Variants in MACROD2 observed in about 807,000 individuals in gnomAD.
MACROD2 encodes the protein mono-ADP ribosylhydrolase 2.
A neutral mutation model predicts 70.4 loss-of-function variants in MACROD2; 36 were observed. The ratio of observed to expected loss-of-function variants is 0.51; its 90% CI spans 0.39 to 0.68. The LOEUF (loss-of-function observed/expected upper bound fraction) is 0.68, where lower values mean the gene tolerates loss of function less well. Among genes scored for constraint, MACROD2 ranks in the 30% least tolerant of loss-of-function variants. The pLI, the probability that MACROD2 is intolerant of heterozygous loss-of-function variation, is 0.00. For missense variants in MACROD2, 496 were observed against 538.4 expected, an observed-to-expected ratio of 0.92 and a Z score of 0.78; for synonymous variants, 172 against 178.8, an observed-to-expected ratio of 0.96 and a Z score of 0.30.
At chr20:14,272,400 C>T (rs2082204360) in intron 3 of MACROD2, among the ~76,000 whole-genome samples, 1 of 151,808 alleles carries the variant, frequency 6.6e-6, no homozygotes, top group South Asian at 2.1e-4. Flanking sequence ...AACTAAGCTT[C>T]ATAAGTGAAG....
chr20:14,504,906 A>G (rs2084952518), intron 4 of MACROD2, among the ~76,000 whole-genome samples: 1 of 152,132 alleles, frequency 6.6e-6, no homozygotes, highest in African/African-American at 2.4e-5. Context: ...TTTATTTGTC[A>G]TAGTTTTATA....
intron 8 of MACROD2, among the ~76,000 whole-genome samples, chr20:15,545,022 T>G (rs1247696756): frequency 2.6e-5 from 4 of 152,230 alleles, no homozygotes; most frequent in African/African-American, 9.6e-5. Context: ...TGTTTTCATT[T>G]AGAAGCTAAT....
intron 2 of MACROD2, among the ~76,000 whole-genome samples, chr20:14,021,603 G>A (rs1178682951): frequency 1.3e-5 from 2 of 151,964 alleles, no homozygotes; most frequent in African/African-American, 4.8e-5. Flanking sequence ...TTTCTCTGTG[G>A]GGAACAAAAC....
intron 6 of MACROD2, among the ~76,000 whole-genome samples, chr20:15,243,091 C>G (rs1267660832): frequency 3.9e-5 from 6 of 152,092 alleles, no homozygotes; most frequent in Non-Finnish European, 8.8e-5. Context: ...GCAGGCTGCA[C>G]CCAGGAACGA....
At chr20:15,640,829 G>T (rs756896007) in intron 8 of MACROD2, among the ~76,000 whole-genome samples, 2 of 152,114 alleles carry the variant, frequency 1.3e-5, no homozygotes, top group African/African-American at 4.8e-5. Flanking sequence ...AAACAGACCC[G>T]GGTGGGCTAT....
chr20:14,391,517 G>T (rs1309492997), intron 3 of MACROD2, among the ~76,000 whole-genome samples: 1 of 151,830 alleles, frequency 6.6e-6, no homozygotes, highest in African/African-American at 2.4e-5. Flanking sequence ...TAACTAATGG[G>T]CACTAGGCTT....
intron 7 of MACROD2, among the ~76,000 whole-genome samples, chr20:15,493,691 TAGAG>T (rs1275003491): frequency 1.3e-5 from 2 of 152,234 alleles, no homozygotes; most frequent in Admixed American, 6.5e-5. Flanking sequence ...AAAAAGTAAA[TAGAG>T]AGGAAAATTG....
chr20:15,419,453 G>T (rs913176513), intron 6 of MACROD2, among the ~76,000 whole-genome samples: 2 of 152,178 alleles, frequency 1.3e-5, no homozygotes, highest in Non-Finnish European at 2.9e-5. Context: ...GTCCCTTAGA[G>T]CTATGCTGAG....
intron 5 of MACROD2, among the ~76,000 whole-genome samples, chr20:15,166,991 A>G (rs1468885261): frequency 6.6e-6 from 1 of 151,192 alleles, no homozygotes; most frequent in East Asian, 1.9e-4. Flanking sequence ...TAATTTAAGT[A>G]TGAAATTATT....
At chr20:14,011,070 T>C (rs1398202671) in intron 2 of MACROD2, among the ~76,000 whole-genome samples, 1 of 152,210 alleles carries the variant, frequency 6.6e-6, no homozygotes, top group African/African-American at 2.4e-5. Context: ...TAAAGGTCCT[T>C]ATGACCCCCT....
At chr20:15,556,379 A>T (rs1205906655) in intron 8 of MACROD2, among the ~76,000 whole-genome samples, 5 of 151,390 alleles carry the variant, frequency 3.3e-5, no homozygotes, top group African/African-American at 9.7e-5. Context: ...ATACTAAGAC[A>T]TCTGGTTTTT....
At chr20:15,618,953 G>T (rs536598878) in intron 8 of MACROD2, among the ~76,000 whole-genome samples, 32 of 152,320 alleles carry the variant, frequency 2.1e-4, no homozygotes, top group African/African-American at 6.7e-4. Flanking sequence ...AGTGAGTCAA[G>T]AGTGCTGATT....
intron 5 of MACROD2, among the ~76,000 whole-genome samples, chr20:14,917,955 C>T (rs1364831791): frequency 2.0e-5 from 3 of 151,890 alleles, no homozygotes; most frequent in Non-Finnish European, 4.4e-5. Context: ...AAGGGTAATG[C>T]GGTATACGGA....
chr20:14,097,222 C>G (rs1340745834), intron 3 of MACROD2, among the ~76,000 whole-genome samples: 1 of 152,046 alleles, frequency 6.6e-6, no homozygotes, highest in African/African-American at 2.4e-5. Context: ...TATACCAAAC[C>G]CATTGGTCAA....
chr20:14,479,569 T>G (rs887460378), intron 3 of MACROD2, among the ~76,000 whole-genome samples: 1 of 152,168 alleles, frequency 6.6e-6, no homozygotes, highest in Non-Finnish European at 1.5e-5. Flanking sequence ...CTGGGTTCTC[T>G]AATCAGTTCA....
chr20:14,066,675 A>G (rs565598628), intron 2 of MACROD2, among the ~76,000 whole-genome samples: 34 of 152,306 alleles, frequency 2.2e-4, no homozygotes, highest in East Asian at 1.5e-3. Flanking sequence ...GTTCTAGTCT[A>G]TACTATTTTG....
At chr20:14,730,156 G>A (rs2071578101) in intron 5 of MACROD2, among the ~76,000 whole-genome samples, 1 of 152,128 alleles carries the variant, frequency 6.6e-6, no homozygotes, top group Non-Finnish European at 1.5e-5. Context: ...AGCAGACCTA[G>A]CACACATTCA....
intron 5 of MACROD2, among the ~76,000 whole-genome samples, chr20:14,890,570 C>T (rs1353635108): frequency 6.6e-6 from 1 of 151,704 alleles, no homozygotes; most frequent in African/African-American, 2.4e-5. Flanking sequence ...TAGTTTGTGA[C>T]CAGCCTGGGC....
At chr20:15,759,699 A>G (rs976753040) in intron 8 of MACROD2, among the ~76,000 whole-genome samples, 2 of 152,328 alleles carry the variant, frequency 1.3e-5, no homozygotes, top group African/African-American at 4.8e-5. Context: ...TTTGAGCACT[A>G]TTGCGACGTA....
Sources: allele counts gnomAD v4.1 joint callset (sites outside exome capture counted in the v4.1 genomes callset), GRCh38; gene constraint gnomAD v4.1.1; transcripts MANE v1.5; gene names NCBI Gene and HGNC (gene_info 2026-07-23, HGNC 2026-07-21).